Variants in ADCY8 observed in about 807,000 individuals in gnomAD.
ADCY8 encodes adenylate cyclase 8.
Under a neutral mutation model 119.7 loss-of-function variants are expected in ADCY8, and 51 were observed. That is an observed-to-expected ratio of 0.43 (90% CI 0.34 to 0.54). The LOEUF (loss-of-function observed/expected upper bound fraction) is 0.54. Among genes scored for constraint, ADCY8 ranks in the 20% least tolerant of loss-of-function variants. The probability of loss-of-function intolerance (pLI) is 0.03; values close to 1 mark genes in which losing one functional copy is unlikely to be tolerated. For missense variants in ADCY8, 1,383 were observed against 1,598.8 expected (o/e 0.87, Z 2.30); for synonymous variants, 665 against 651.0 (o/e 1.02, Z -0.33).
intron 5 of ADCY8, among the ~76,000 whole-genome samples, chr8:130,919,962 T>A (rs2130578435): frequency 6.6e-6 from 1 of 152,080 alleles, no homozygotes; most frequent in East Asian, 1.9e-4. Context: ...AGGAAGAAAC[T>A]GAGATTCAGC....
chr8:130,866,011 C>T (rs558853265), intron 9 of ADCY8, among the ~76,000 whole-genome samples: 134 of 152,264 alleles, frequency 8.8e-4, no homozygotes, highest in African/African-American at 3.0e-3. Context: ...TTTTGTTCCC[C>T]GGTGTGACAT....
At position 130,844,609 on chromosome 8, in the gene ADCY8, G is replaced by C. The variant is rs527949180; in HGVS notation, c.2502+2815C>G. 5.3e-5 allele frequency among the ~76,000 whole-genome samples: 8 copies of C among 152,250 alleles called. No homozygotes were observed. In the South Asian group the frequency reaches 1.7e-3, roughly 32 times the overall value. Reference sequence around the variant, plus strand: ...GGAGTTGGATTAACTCTTTCAGAAGGTCTGAATATCTAATCCATTTTAGTT... The same window carrying C: ...GGAGTTGGATTAACTCTTTCAGAAGCTCTGAATATCTAATCCATTTTAGTT... On this transcript the variant is annotated intron_variant, in intron 11 of 17. Coordinates refer to ENST00000286355, the MANE Select transcript of ADCY8 (RefSeq NM_001115.3).
At chr8:130,998,394 G>A (rs1478194376) in intron 1 of ADCY8, among the ~76,000 whole-genome samples, 1 of 152,156 alleles carries the variant, frequency 6.6e-6, no homozygotes, top group African/African-American at 2.4e-5. Context: ...TCTGAGGCAG[G>A]AGAAGCAAGA....
chr8:130,851,273 T>C (rs988144736), intron 9 of ADCY8, among the ~76,000 whole-genome samples: 2 of 152,210 alleles, frequency 1.3e-5, no homozygotes, highest in Non-Finnish European at 2.9e-5. Context: ...TGATGAACTA[T>C]TATATAATAT....
intron 1 of ADCY8, among the ~76,000 whole-genome samples, chr8:131,025,549 G>C (rs1183761873): frequency 6.6e-6 from 1 of 152,090 alleles, no homozygotes; most frequent in Non-Finnish European, 1.5e-5. Context: ...ATATACAAAA[G>C]GACAGACCCT....
At chr8:130,987,207 CT>C (rs1394582104) in intron 2 of ADCY8, among the ~76,000 whole-genome samples, 4 of 152,132 alleles carry the variant, frequency 2.6e-5, no homozygotes, top group Non-Finnish European at 5.9e-5. Flanking sequence ...GTACCCTTTA[CT>C]GCTTCTCCAC....
At position 131,039,836 on chromosome 8, in the gene ADCY8, C is replaced by A. The variant is rs755362129; in HGVS notation, c.498G>T (p.Leu166Phe). Residue 166 changes from leucine (L) to phenylalanine (F), a missense_variant, in exon 1 of 18, where the codon TTG becomes TTT. Leu to Phe is a conservative substitution (Grantham distance 22, BLOSUM62 0). Coordinates refer to ENST00000286355, the MANE Select transcript of ADCY8 (RefSeq NM_001115.3). Reference sequence around the variant, plus strand: ...AGAAATAGCGCTGGTAGAGGCGTTCCAAATCCCGAGATTTGAAGGAGTTGC... The same window carrying A: ...AGAAATAGCGCTGGTAGAGGCGTTCAAAATCCCGAGATTTGAAGGAGTTGC... ...TLRNSFKSRD[L>F]ERLYQRYFLG... The A allele has an allele frequency of 6.2e-7, 1 of 1,614,170 alleles. No homozygotes were observed. Among genetic ancestry groups the A allele is most frequent in the Non-Finnish European group, 8.5e-7 (1 of 1,180,026 alleles).
At chr8:130,954,463 T>C (rs1427056059) in intron 2 of ADCY8, among the ~76,000 whole-genome samples, 1 of 152,146 alleles carries the variant, frequency 6.6e-6, no homozygotes, top group Non-Finnish European at 1.5e-5. Flanking sequence ...TGAAGGTTCA[T>C]AAAAGTGCAG....
chr8:130,982,698 T>TA (rs1349600515), intron 2 of ADCY8, among the ~76,000 whole-genome samples: 5 of 150,210 alleles, frequency 3.3e-5, no homozygotes, highest in African/African-American at 1.3e-4. Flanking sequence ...AAAAATTCCA[T>TA]AAAAAATTAG....
intron 1 of ADCY8, among the ~76,000 whole-genome samples, chr8:131,017,336 C>T (rs1323765727): frequency 6.6e-6 from 1 of 152,122 alleles, no homozygotes; most frequent in Non-Finnish European, 1.5e-5. Flanking sequence ...TCCTAAAGTG[C>T]TGGGATGACA....
chr8:130,909,005 C>A (rs879397082), intron 6 of ADCY8, among the ~76,000 whole-genome samples: 24 of 124,880 alleles, frequency 1.9e-4, no homozygotes, highest in Non-Finnish European at 4.0e-4. Context: ...CTCTCTCTCT[C>A]TCTCTTTCTC....
intron 4 of ADCY8, among the ~76,000 whole-genome samples, chr8:130,938,190 C>T (rs539992579): frequency 4.6e-5 from 7 of 152,204 alleles, no homozygotes; most frequent in South Asian, 2.1e-4. Flanking sequence ...ACTACCTAAC[C>T]TCTGGCCTTC....
chr8:130,854,200 C>T (rs1454466169), intron 9 of ADCY8, among the ~76,000 whole-genome samples: 1 of 152,136 alleles, frequency 6.6e-6, no homozygotes, highest in Non-Finnish European at 1.5e-5. Flanking sequence ...ATTATAGAGC[C>T]ACTCAGGCAT....
intron 2 of ADCY8, among the ~76,000 whole-genome samples, chr8:130,968,307 C>T (rs1356338121): frequency 1.3e-5 from 2 of 151,918 alleles, no homozygotes; most frequent in Admixed American, 1.3e-4. Context: ...GTAGCTGGGA[C>T]TACAGGCGCC....
At chr8:130,971,962 A>G (rs1200424001) in intron 2 of ADCY8, among the ~76,000 whole-genome samples, 2 of 152,330 alleles carry the variant, frequency 1.3e-5, no homozygotes, top group East Asian at 1.9e-4. Context: ...TATTTGAAGT[A>G]CAATTTACAT....
chr8:130,926,676 C>G (rs1005659998), intron 5 of ADCY8, among the ~76,000 whole-genome samples: 1 of 151,964 alleles, frequency 6.6e-6, no homozygotes, highest in African/African-American at 2.4e-5. Flanking sequence ...TATAATAGGT[C>G]TTTTGAATTT....
intron 8 of ADCY8, among the ~76,000 whole-genome samples, chr8:130,883,583 G>A (rs967344438): frequency 2.6e-5 from 4 of 152,162 alleles, no homozygotes; most frequent in African/African-American, 9.7e-5. Context: ...CCAGGCAGCT[G>A]AACAAACTTA....
At chr8:130,803,209 C>G (rs757500266) in intron 14 of ADCY8, among the ~76,000 whole-genome samples, 9 of 152,146 alleles carry the variant, frequency 5.9e-5, no homozygotes, top group Non-Finnish European at 1.3e-4. Context: ...TTCTTCCTTC[C>G]CTGCAGTTAG....
intron 1 of ADCY8, among the ~76,000 whole-genome samples, chr8:131,027,446 T>C (rs1324982201): frequency 1.3e-5 from 2 of 152,160 alleles, no homozygotes; most frequent in African/African-American, 4.8e-5. Context: ...TGCTAGCATA[T>C]GGGAGAAGCT....
Sources: allele counts gnomAD v4.1 joint callset (sites outside exome capture counted in the v4.1 genomes callset), GRCh38; gene constraint gnomAD v4.1.1; transcripts MANE v1.5; gene names NCBI Gene and HGNC (gene_info 2026-07-23, HGNC 2026-07-21).